The following FBLN1 variants were observed in gnomAD, a reference collection of about 807,000 sequenced individuals.
FBLN1 encodes fibulin 1.
FBLN1 carries 34 observed loss-of-function variants against 89.7 expected under a neutral mutation model. The ratio of observed to expected loss-of-function variants is 0.38; its 90% CI spans 0.29 to 0.50. The LOEUF (loss-of-function observed/expected upper bound fraction) is 0.50, where lower values mean the gene tolerates loss of function less well. Ranked by LOEUF, FBLN1 falls within the 20% of genes least tolerant of loss-of-function variation. FBLN1 has a pLI of 0.92. For synonymous variants in FBLN1, 393 were observed against 391.3 expected (o/e 1.00, Z -0.05); for missense variants, 777 against 988.1 (o/e 0.79, Z 2.86).
chr22:45,507,240 G>A (rs1231535294), intron 1 of FBLN1, among the ~76,000 whole-genome samples: 2 of 152,146 alleles, frequency 1.3e-5, no homozygotes, highest in African/African-American at 2.4e-5. Flanking sequence ...GGGAGGGAGC[G>A]AGGCACCAGT....
At chr22:45,526,390 A>G (rs1033831886) in intron 3 of FBLN1, among the ~76,000 whole-genome samples, 1 of 152,198 alleles carries the variant, frequency 6.6e-6, no homozygotes, top group Non-Finnish European at 1.5e-5. Context: ...TACAGGCAGT[A>G]AACCCAAGGT....
At chr22:45,569,632 C>CT (rs1325352465) in intron 14 of FBLN1, among the ~76,000 whole-genome samples, 1 of 146,112 alleles carries the variant, frequency 6.8e-6, no homozygotes, top group Non-Finnish European at 1.5e-5. Context: ...GGGCAAGACT[C>CT]TGTCTCAAAA....
intron 16 of FBLN1, among the ~76,000 whole-genome samples, chr22:45,584,967 C>G (rs6007095): frequency 6.6e-6 from 1 of 152,250 alleles, no homozygotes; most frequent in Non-Finnish European, 1.5e-5. Context: ...AGGCCCTGCA[C>G]TGGGTACTGC....
chr22:45,600,863 C>G lies in FBLN1; in HGVS notation c.*417C>G. On this transcript the variant is annotated 3_prime_UTR_variant, in exon 17 of 17. Coordinates refer to ENST00000327858, the MANE Select transcript of FBLN1 (RefSeq NM_006486.3). Reference sequence around the variant, plus strand: ...TTTTTTTTTTGGCCAATCAGATTTTCTATGTTCTAAGGACATGGCTGCTGT... The same window carrying G: ...TTTTTTTTTTGGCCAATCAGATTTTGTATGTTCTAAGGACATGGCTGCTGT... 3.3e-6 allele frequency: 1 copy of G among 307,034 alleles called. No individual in the cohort carries two copies. The highest frequency in any genetic ancestry group is 6.2e-6 in the Non-Finnish European group (1 of 160,806). The allele number at this position is 307,034 out of a possible 1,614,324, so 19.0% of individuals were successfully genotyped here.
chr22:45,531,905 G>C lies in FBLN1; in HGVS notation c.544+581G>C, dbSNP rs532291290. Among the ~76,000 whole-genome samples, 52 of 152,362 alleles carry C rather than the reference G, an allele frequency of 3.4e-4. No homozygotes were observed. Among genetic ancestry groups the C allele is most frequent in the African/African-American group, 1.2e-3 (51 of 41,582 alleles). On this transcript the variant is annotated intron_variant, in intron 5 of 16. Transcript: ENST00000327858. The surrounding 1 kb of genome is among the most constrained non-coding windows in gnomAD (Gnocchi z 4.9). ...GAGAGGAGGGGGCTCAGCGTTCCCT[G>C]CCTTTGTGCCCCTGGAGCCCCAGCC...
rs2089015803 is a variant in FBLN1, at chr22:45,578,362, C to T, written c.1972+1254C>T. 6.6e-6 allele frequency: 1 copy of T among 152,214 alleles called. No homozygotes were observed. The highest frequency in any genetic ancestry group is 2.1e-4 in the South Asian group (1 of 4,830). 9.4% of individuals were successfully genotyped at this position (152,214 alleles called of 1,614,324 possible). A position where few individuals can be genotyped will look rare whatever the true frequency, so the allele number is the denominator to read the frequency against. ...TAAACATGACTGAGTCACTGGGGGG[C>T]TCCCCACCCCAGCCTCCTCCTGCGC... On this transcript the variant is annotated intron_variant, in intron 16 of 16. Coordinates refer to ENST00000327858, the MANE Select transcript of FBLN1 (RefSeq NM_006486.3). This position sits in a 1 kb window ranked among gnomAD's most constrained non-coding sequence, Gnocchi z 4.6.
rs73444970 is a variant in FBLN1 at position 45,576,160 on chromosome 22, A to G, written c.1841-817A>G. 2.1e-3 allele frequency among the ~76,000 whole-genome samples: 327 copies of G among 152,308 alleles called. 1 individual carries two copies. Among genetic ancestry groups the G allele is most frequent in the African/African-American group, 7.5e-3 (311 of 41,564 alleles). On this transcript the variant is annotated intron_variant, in intron 15 of 16. Transcript: ENST00000327858. This position sits in a 1 kb window ranked among gnomAD's most constrained non-coding sequence, Gnocchi z 5.2. ...TAACGCTGAATCGTCACAGGGTGGC[A>G]CAGACTTGGGTCAGAGAAAATAACT...
At chr22:45,534,652 C>T (rs2088460151) in intron 7 of FBLN1, among the ~76,000 whole-genome samples, 1 of 151,356 alleles carries the variant, frequency 6.6e-6, no homozygotes, top group African/African-American at 2.4e-5. Flanking sequence ...ATTCTGTCCT[C>T]CCCACCCCCA....
chr22:45,563,458 G>A lies in FBLN1; in HGVS notation c.1698-11053G>A, dbSNP rs917817690. On this transcript the variant is annotated intron_variant, in intron 14 of 16. Transcript: ENST00000327858. The surrounding 1 kb of genome is among the most constrained non-coding windows in gnomAD (Gnocchi z 5.7). ...GCACTGGCCACCGCCTGGTACCCCC[G>A]AGGGCTGACTGAGGAGCGCTCCCCA... 3.3e-6 allele frequency: 4 copies of A among 1,229,306 alleles called. No homozygotes were observed. The African/African-American group carries it at 4.6e-5, about 14-fold the overall frequency. The allele number at this position is 1,229,306 out of a possible 1,614,324, so 76.1% of individuals were successfully genotyped here. A position where few individuals can be genotyped will look rare whatever the true frequency, so the allele number is the denominator to read the frequency against.
At chr22:45,533,961 A>G in intron 7 of FBLN1, 63 bp downstream of exon 7, 1 of 1,606,076 alleles carries the variant, frequency 6.2e-7, no homozygotes, top group South Asian at 1.1e-5. Flanking sequence ...CGCGGTGGGA[A>G]GGGCAGCTCT....
At chr22:45,555,675 A>G (rs1306337791) in intron 14 of FBLN1, among the ~76,000 whole-genome samples, 62 of 152,114 alleles carry the variant, frequency 4.1e-4, no homozygotes. Flanking sequence ...TGTATCCTTC[A>G]ATCCAATCAA....
rs139132072 is a variant in FBLN1 at position 45,574,540 on chromosome 22, G to A, written c.1727G>A (p.Arg576His). Reference protein sequence around the residue: ...TLQQEKTDTVRCIKSCRPNDV... With the variant: ...TLQQEKTDTVHCIKSCRPNDV... ...CAGCAGGAGAAGACAGACACGGTCC[G>A]CTGCATCAAGTCCTGCCGCCCCAAC... is the stretch of plus-strand genomic sequence containing the variant. The change falls in exon 15 of 17, where the codon CGC (arginine) becomes CAC (histidine). Residue 576 changes from arginine to histidine, a missense_variant. Coordinates refer to ENST00000327858, the MANE Select transcript of FBLN1 (RefSeq NM_006486.3). The surrounding 1 kb of genome is among the most constrained non-coding windows in gnomAD (Gnocchi z 4.1). The A allele has an allele frequency of 5.6e-5, 91 of 1,614,006 alleles. No individual in the cohort carries two copies. Among genetic ancestry groups the A allele is most frequent in the Middle Eastern group, 1.6e-4 (1 of 6,084 alleles).
At chr22:45,555,067 G>GAAGTT (rs2088764516) in intron 14 of FBLN1, among the ~76,000 whole-genome samples, 1 of 150,522 alleles carries the variant, frequency 6.6e-6, no homozygotes, top group South Asian at 2.1e-4. Flanking sequence ...TCCACCGCAG[G>GAAGTT]AGGTTAGGAC....
chr22:45,547,184 T>G lies in FBLN1; in HGVS notation c.1421T>G (p.Val474Gly). Residue 474 changes from valine (V) to glycine (G), a missense_variant, in exon 12 of 17, where the codon GTG becomes GGG. Val to Gly is a moderately radical substitution (Grantham distance 109). Coordinates refer to ENST00000327858, the MANE Select transcript of FBLN1 (RefSeq NM_006486.3). Reference protein sequence around the residue: ...YCRRGYQLSDVDGVTCEDIDE... With the variant: ...YCRRGYQLSDGDGVTCEDIDE... ...CGGCGAGGCTACCAGCTCAGCGATG[T>G]GGATGGAGTCACCTGTGAAGGTGCG... 1.9e-6 allele frequency: 3 copies of G among 1,614,052 alleles called. No individual in the cohort carries two copies. Among genetic ancestry groups the G allele is most frequent in the Non-Finnish European group, 2.5e-6 (3 of 1,180,002 alleles).
intron 8 of FBLN1, among the ~76,000 whole-genome samples, chr22:45,539,006 C>T (rs938399209): frequency 1.3e-5 from 2 of 151,942 alleles, no homozygotes; most frequent in Non-Finnish European, 2.9e-5. Flanking sequence ...ATGGCTTTGT[C>T]GGGTTTTCTT....
intron 16 of FBLN1, among the ~76,000 whole-genome samples, chr22:45,593,192 G>C (rs6006778): frequency 0.33 from 42,616 of 129,078 alleles, 9,437 homozygotes; most frequent in African/African-American, 0.65. Context: ...TTCATCATTT[G>C]AAACAATGGA....
At chr22:45,593,635 A>C (rs2089158285) in intron 16 of FBLN1, among the ~76,000 whole-genome samples, 1 of 152,052 alleles carries the variant, frequency 6.6e-6, no homozygotes, top group Admixed American at 6.6e-5. Flanking sequence ...GCCAGGTGTG[A>C]TGGAAATGCA....
At chr22:45,582,354 G>C (rs1294961988) in intron 16 of FBLN1, among the ~76,000 whole-genome samples, 1 of 152,178 alleles carries the variant, frequency 6.6e-6, no homozygotes, top group East Asian at 1.9e-4. Context: ...CTTGGGTCCT[G>C]GGCCAGCCCC....
chr22:45,518,735 A>G lies in FBLN1; in HGVS notation c.133A>G (p.Thr45Ala). The change falls in exon 2 of 17, where the codon ACT becomes GCT. Residue 45 changes from threonine to alanine, a missense_variant. Thr to Ala is a moderately conservative substitution (Grantham distance 58). Coordinates refer to ENST00000327858, the MANE Select transcript of FBLN1 (RefSeq NM_006486.3). ...ACCADGHRMA[T>A]HQKDCSLPYA... is the part of the protein sequence containing the mutation. Reference sequence around the variant, plus strand: ...CTGTGCGGACGGACACCGGATGGCCACTCATCAGAAGGACTGCTCGCTGCC... The same window carrying G: ...CTGTGCGGACGGACACCGGATGGCCGCTCATCAGAAGGACTGCTCGCTGCC... 6.2e-7 allele frequency: 1 copy of G among 1,612,400 alleles called. No individual in the cohort carries two copies. The highest frequency in any genetic ancestry group is 1.1e-5 in the South Asian group (1 of 90,512).
Sources: gnomAD v4.1 joint callset for allele counts (sites outside exome capture counted in the v4.1 genomes callset) on GRCh38, gnomAD v4.1.1 for gene constraint, Gnocchi (gnomAD v3.1) non-coding constraint, MANE v1.5 for transcripts, NCBI Gene and HGNC (gene_info 2026-07-23, HGNC 2026-07-21) for gene names.